Variants in STPG2 observed in about 807,000 individuals in gnomAD.
STPG2 encodes the protein sperm-tail PG-rich repeat-containing protein 2.
STPG2 carries 56 observed loss-of-function variants against 54.2 expected under a neutral mutation model. The ratio of observed to expected loss-of-function variants is 1.03; its 90% CI spans 0.83 to 1.29. The LOEUF (loss-of-function observed/expected upper bound fraction) is 1.29, where lower values mean the gene tolerates loss of function less well. Among genes scored for constraint, STPG2 ranks in the 50% most tolerant of loss-of-function variants. STPG2 has a pLI of 0.00. For missense variants in STPG2, 596 were observed against 544.9 expected (o/e 1.09, Z -0.93); for synonymous variants, 200 against 181.8 (o/e 1.10, Z -0.81).
intron 1 of STPG2, 99 bp from the exon 2 acceptor site, chr4:98,134,558 G>T: frequency 2.0e-6 from 1 of 498,722 alleles, no homozygotes; most frequent in Non-Finnish European, 3.3e-6. Context: ...ATCCTCAATT[G>T]TTAAGACTTT....
intron 8 of STPG2, among the ~76,000 whole-genome samples, chr4:97,867,009 A>G (rs1729811788): frequency 6.6e-6 from 1 of 151,900 alleles, no homozygotes. Context: ...CAAGTAAATA[A>G]TTAATTGTGC....
At chr4:97,999,020 CT>C (rs35324124) in intron 5 of STPG2, among the ~76,000 whole-genome samples, 46,334 of 151,470 alleles carry the variant, frequency 0.31, 7,235 homozygotes, top group Middle Eastern at 0.36. Flanking sequence ...ATTTTTTTTT[CT>C]GTAATAAACT....
intron 9 of STPG2, among the ~76,000 whole-genome samples, chr4:97,729,228 C>G (rs542696600): frequency 6.6e-6 from 1 of 151,496 alleles, no homozygotes; most frequent in South Asian, 2.1e-4. Context: ...TTTGGAGGAG[C>G]TTTGAGTGAC....
intron 10 of STPG2, among the ~76,000 whole-genome samples, chr4:97,646,077 T>C (rs1017486309): frequency 1.3e-5 from 2 of 152,146 alleles, no homozygotes; most frequent in Non-Finnish European, 2.9e-5. Context: ...GCTCTAAGTC[T>C]TCCCATGTGC....
rs182162750 is a variant in STPG2 at position 97,911,046 on chromosome 4, C to T, written c.1044+32851G>A. Reference sequence around the variant, plus strand: ...CAATAGCTCACCTGGAAGCACAAGCCGCATGGGCAAGGGGAGCTCCCAGCT... The same window carrying T: ...CAATAGCTCACCTGGAAGCACAAGCTGCATGGGCAAGGGGAGCTCCCAGCT... On this transcript the variant is annotated intron_variant, in intron 8 of 10. Coordinates refer to ENST00000295268, the MANE Select transcript of STPG2 (RefSeq NM_174952.3). Among the ~76,000 whole-genome samples, 370 of 152,302 alleles carry T rather than the reference C, an allele frequency of 2.4e-3. 1 individual carries two copies. The highest frequency in any genetic ancestry group is 4.1e-3 in the Non-Finnish European group (276 of 68,024).
intron 8 of STPG2, among the ~76,000 whole-genome samples, chr4:97,860,190 G>T (rs1488297240): frequency 6.6e-6 from 1 of 151,992 alleles, no homozygotes; most frequent in Non-Finnish European, 1.5e-5. Flanking sequence ...CTTTTTCTTA[G>T]CCTTGTTTTG....
rs186413102 is a variant in STPG2, at chr4:97,907,117, C to T, written c.1044+36780G>A. Among the ~76,000 whole-genome samples the T allele has an allele frequency of 3.6e-3, 544 of 152,136 alleles. 5 individuals carry two copies. The highest frequency in any genetic ancestry group is 0.012 in the African/African-American group (517 of 41,520). ...CGACATGATTGTATATCTAGGGAAC[C>T]CCATTATCTCAGCCCAAAATCTCCT... On this transcript the variant is annotated intron_variant, in intron 8 of 10. Coordinates refer to ENST00000295268, the MANE Select transcript of STPG2 (RefSeq NM_174952.3).
chr4:97,618,464 G>A (rs1234541495), intron 10 of STPG2, among the ~76,000 whole-genome samples: 1 of 152,158 alleles, frequency 6.6e-6, no homozygotes, highest in African/African-American at 2.4e-5. Flanking sequence ...AAACATTTGA[G>A]TTGTTAAATA....
intron 4 of STPG2, among the ~76,000 whole-genome samples, chr4:97,455,076 C>T (rs1729482144): frequency 1.3e-5 from 2 of 151,974 alleles, no homozygotes; most frequent in South Asian, 2.1e-4. Flanking sequence ...AATCTAGACA[C>T]AGATCTTATA....
chr4:97,957,855 GACAA>G (rs1367476773), intron 7 of STPG2, among the ~76,000 whole-genome samples: 1 of 152,118 alleles, frequency 6.6e-6, no homozygotes, highest in African/African-American at 2.4e-5. Context: ...AACCTTTTCA[GACAA>G]ACAAATGCTG....
intron 6 of STPG2, among the ~76,000 whole-genome samples, chr4:97,974,489 G>A (rs559946545): frequency 2.2e-4 from 33 of 152,176 alleles, no homozygotes; most frequent in Non-Finnish European, 4.1e-4. Flanking sequence ...GAATGATATG[G>A]TTTGGCTCTG....
chr4:97,840,261 C>T (rs1057434687), intron 9 of STPG2, among the ~76,000 whole-genome samples: 6 of 151,350 alleles, frequency 4.0e-5, no homozygotes, highest in African/African-American at 7.3e-5. Context: ...TGCCTTTCTC[C>T]TCTAACAACT....
chr4:97,841,445 C>T (rs1242366646), intron 8 of STPG2, among the ~76,000 whole-genome samples: 1 of 151,622 alleles, frequency 6.6e-6, no homozygotes, highest in African/African-American at 2.4e-5. Context: ...TTTTAATCAA[C>T]ATGAACCCAC....
downstream of STPG2, among the ~76,000 whole-genome samples, chr4:97,556,289 T>C (rs1732076765): frequency 6.6e-6 from 1 of 152,180 alleles, no homozygotes; most frequent in African/African-American, 2.4e-5. Context: ...CAGTAATGCA[T>C]GGAATTAACC....
chr4:97,845,069 C>T (rs369294993), intron 8 of STPG2, among the ~76,000 whole-genome samples: 2 of 151,548 alleles, frequency 1.3e-5, no homozygotes, highest in East Asian at 1.9e-4. Flanking sequence ...TGGCTCACTG[C>T]TAGCATGTTT....
chr4:97,815,762 T>G (rs1011678141), intron 9 of STPG2, among the ~76,000 whole-genome samples: 1 of 152,160 alleles, frequency 6.6e-6, no homozygotes, highest in African/African-American at 2.4e-5. Flanking sequence ...GTTATCTTTA[T>G]TTGGAGATTA....
At chr4:98,036,574 C>T (rs1429279633) in intron 5 of STPG2, among the ~76,000 whole-genome samples, 3 of 151,862 alleles carry the variant, frequency 2.0e-5, no homozygotes, top group Admixed American at 6.6e-5. Context: ...CCAAATACCA[C>T]GTATTCTGTC....
intron 10 of STPG2, among the ~76,000 whole-genome samples, chr4:97,678,731 C>T (rs1270592237): frequency 1.3e-5 from 2 of 151,254 alleles, no homozygotes; most frequent in East Asian, 2.0e-4. Context: ...CCCATTAACT[C>T]GTCATTTAGC....
At chr4:98,058,847 A>C (rs1737558963) in intron 5 of STPG2, among the ~76,000 whole-genome samples, 1 of 151,936 alleles carries the variant, frequency 6.6e-6, no homozygotes, top group African/African-American at 2.4e-5. Context: ...GTTCAGAAAA[A>C]CCAAAATCAT....
Sources: gnomAD v4.1 joint callset for allele counts (sites outside exome capture counted in the v4.1 genomes callset) on GRCh38, gnomAD v4.1.1 for gene constraint, MANE v1.5 for transcripts, NCBI Gene and HGNC (gene_info 2026-07-23, HGNC 2026-07-21) for gene names.